Variants in DNAH12 observed in about 807,000 individuals in gnomAD.
The protein encoded by DNAH12 is axonemal beta dynein heavy chain 12.
In DNAH12, 285 loss-of-function variants were observed where a neutral mutation model predicts 371.5. The observed-to-expected ratio is 0.77, with a 90% CI of 0.70 to 0.85. DNAH12 has a LOEUF of 0.85. Ranked by LOEUF, DNAH12 falls within the 40% of genes least tolerant of loss-of-function variation. The pLI, the probability that DNAH12 is intolerant of heterozygous loss-of-function variation, is 0.00. For synonymous variants in DNAH12, 1,200 were observed against 1,213.0 expected (o/e 0.99, Z 0.22); for missense variants, 3,611 against 3,689.4 (o/e 0.98, Z 0.55).
chr3:57,514,721 A>G (rs537309023), intron 4 of DNAH12, among the ~76,000 whole-genome samples: 2 of 152,178 alleles, frequency 1.3e-5, no homozygotes, highest in African/African-American at 2.4e-5. Context: ...GGGAGAAAAG[A>G]AACTCCAAAT....
intron 55 of DNAH12, among the ~76,000 whole-genome samples, chr3:57,373,481 ATT>A (rs879077079): frequency 1.3e-4 from 19 of 140,984 alleles, no homozygotes; most frequent in African/African-American, 3.1e-4. Flanking sequence ...CACCTGGCTA[ATT>A]TTTTTTTTTT....
At chr3:57,455,080 A>T (rs546067081) in intron 22 of DNAH12, among the ~76,000 whole-genome samples, 186 bp from the exon 23 acceptor site, 21 of 152,206 alleles carry the variant, frequency 1.4e-4, no homozygotes, top group Admixed American at 1.4e-3. Context: ...TTTTTGAAAT[A>T]TTTATTTATA....
intron 11 of DNAH12, among the ~76,000 whole-genome samples, chr3:57,500,213 G>T (rs1330873310): frequency 6.6e-6 from 1 of 151,914 alleles, no homozygotes; most frequent in African/African-American, 2.4e-5. Flanking sequence ...GCTAATTCTT[G>T]TATTTTTAGT....
Position 57,322,463 on chromosome 3 carries a change from C to T in DNAH12, c.10404G>A (p.Gln3468=), listed in dbSNP as rs1189124663. Residue 3468 remains glutamine (Q), a synonymous_variant, in exon 65 of 74, where the codon CAG becomes CAA. Coordinates refer to ENST00000495027, the MANE Select transcript of DNAH12 (RefSeq NM_001366028.2). ...PSSKFPVTIL[Q]NGVKMTNEPP... ...GTTCATTAGTCATTTTTACTCCATT[C>T]TGTAGAATTGTTACTGGGAACTAAG... is the stretch of plus-strand genomic sequence containing the variant. 6.4e-7 allele frequency: 1 copy of T among 1,551,850 alleles called. No individual in the cohort carries two copies. The highest frequency in any genetic ancestry group is 8.7e-7 in the Non-Finnish European group (1 of 1,147,002).
chr3:57,482,817 C>G (rs2066790656), intron 13 of DNAH12, among the ~76,000 whole-genome samples: 2 of 149,368 alleles, frequency 1.3e-5, no homozygotes, highest in African/African-American at 2.5e-5. Flanking sequence ...CAAACTATTG[C>G]AAGGACAAAA....
upstream of DNAH12, among the ~76,000 whole-genome samples, chr3:57,546,984 A>T (rs2069584771): frequency 6.6e-6 from 1 of 152,056 alleles, no homozygotes; most frequent in Non-Finnish European, 1.5e-5. Flanking sequence ...TCTCTATTTT[A>T]AAAAATTAAA....
chr3:57,530,686 G>A, intron 2 of DNAH12: 1 of 439,812 alleles, frequency 2.3e-6, no homozygotes, highest in Non-Finnish European at 4.2e-6. Context: ...TTCTTCAATA[G>A]CATCTTGGTA....
chr3:57,499,641 A>ATATATATATAT, intron 11 of DNAH12, among the ~76,000 whole-genome samples: 1 of 25,418 alleles, frequency 3.9e-5, no homozygotes, highest in African/African-American at 1.7e-4. Flanking sequence ...AAAAAAAAAA[A>ATATATATATAT]AAAAAAATAT....
intron 49 of DNAH12, among the ~76,000 whole-genome samples, chr3:57,384,157 T>C (rs1247915723): frequency 9.2e-5 from 14 of 152,112 alleles, no homozygotes; most frequent in Admixed American, 9.2e-4. Flanking sequence ...GTGGTACAGA[T>C]AGGTGCCAGT....
chr3:57,294,176 CTT>C (rs62779960), intron 73 of DNAH12, among the ~76,000 whole-genome samples: 88 of 129,060 alleles, frequency 6.8e-4, no homozygotes, highest in Middle Eastern at 4.1e-3. Context: ...CTTTTCTTTT[CTT>C]TTTTTTTTTT....
At chr3:57,547,647 A>G (rs2069590312), upstream of DNAH12, among the ~76,000 whole-genome samples, 1 of 152,238 alleles carries the variant, frequency 6.6e-6, no homozygotes, top group African/African-American at 2.4e-5. Flanking sequence ...AATATACCAA[A>G]AAGTTACCAA....
chr3:57,467,285 A>AT (rs1379152197), intron 17 of DNAH12, among the ~76,000 whole-genome samples: 3 of 151,346 alleles, frequency 2.0e-5, no homozygotes, highest in Non-Finnish European at 4.4e-5. Flanking sequence ...TGCTCAACTA[A>AT]TTTTTTGTAT....
At chr3:57,305,174 T>G (rs1335396867) in intron 69 of DNAH12, among the ~76,000 whole-genome samples, 1 of 152,152 alleles carries the variant, frequency 6.6e-6, no homozygotes, top group Non-Finnish European at 1.5e-5. Context: ...GTGCCTGACG[T>G]CCAGGCATTC....
intron 25 of DNAH12, among the ~76,000 whole-genome samples, chr3:57,448,602 T>C (rs890588861): frequency 3.3e-5 from 5 of 152,238 alleles, no homozygotes; most frequent in Admixed American, 6.5e-5. Context: ...CAGCGTGGAA[T>C]AGAACCCGAC....
intron 41 of DNAH12, among the ~76,000 whole-genome samples, 173 bp from the exon 42 acceptor site, chr3:57,405,320 AG>A (rs2063990691): frequency 6.6e-6 from 1 of 152,228 alleles, no homozygotes; most frequent in African/African-American, 2.4e-5. Context: ...GGATATAAAA[AG>A]AAAAGTAAGA....
intron 65 of DNAH12, among the ~76,000 whole-genome samples, chr3:57,318,581 T>C (rs1453615016): frequency 6.6e-6 from 1 of 151,956 alleles, no homozygotes; most frequent in Non-Finnish European, 1.5e-5. Context: ...TCCAAAATGC[T>C]CCAAAATCCA....
At chr3:57,454,212 G>A (rs751917652) in intron 23 of DNAH12, among the ~76,000 whole-genome samples, 2 of 152,130 alleles carry the variant, frequency 1.3e-5, no homozygotes, top group Non-Finnish European at 2.9e-5. Context: ...CAGGTGCAGC[G>A]GTTCATGCCT....
At chr3:57,358,912 G>A (rs1397902194) in intron 58 of DNAH12, among the ~76,000 whole-genome samples, 2 of 152,078 alleles carry the variant, frequency 1.3e-5, no homozygotes, top group African/African-American at 2.4e-5. Flanking sequence ...AGCCTCCCAA[G>A]TAGCTGAGAT....
At chr3:57,421,859 CAT>C (rs895639155) in intron 35 of DNAH12, 153 bp from the exon 36 acceptor site, 6 of 584,008 alleles carry the variant, frequency 1.0e-5, no homozygotes, top group Non-Finnish European at 1.7e-5. Context: ...TGCTAAGCCA[CAT>C]AGTCATTTCT....
Sources: gnomAD v4.1 joint callset for allele counts (sites outside exome capture counted in the v4.1 genomes callset) on GRCh38, gnomAD v4.1.1 for gene constraint, MANE v1.5 for transcripts, NCBI Gene and HGNC (gene_info 2026-07-23, HGNC 2026-07-21) for gene names.